HS2ST1: variants seen among roughly 807,000 people sequenced by gnomAD.
The protein encoded by HS2ST1 is heparan sulfate 2-O-sulfotransferase 1, also known as 2-O-sulfotransferase.
A neutral mutation model predicts 42.9 loss-of-function variants in HS2ST1; 18 were observed. The ratio of observed to expected loss-of-function variants is 0.42; its 90% confidence interval spans 0.29 to 0.62. HS2ST1 has a LOEUF of 0.62. HS2ST1 is among the 20% of genes least tolerant of loss of function. HS2ST1 has a pLI of 0.21. For synonymous variants in HS2ST1, 146 were observed against 152.9 expected, an observed-to-expected ratio of 0.95 and a Z score of 0.33; for missense variants, 334 against 433.8, an observed-to-expected ratio of 0.77 and a Z score of 2.04.
chr1:87,088,214 C>G (rs1476804109), intron 3 of HS2ST1, among the ~76,000 whole-genome samples: 1 of 152,012 alleles, frequency 6.6e-6, no homozygotes, highest in East Asian at 1.9e-4. Context: ...CTCTTAGCCT[C>G]CATTATTCTC....
intron 1 of HS2ST1, among the ~76,000 whole-genome samples, chr1:87,022,310 G>A (rs1649972656): frequency 6.6e-6 from 1 of 152,154 alleles, no homozygotes; most frequent in Admixed American, 6.5e-5. Context: ...CATTTTCACA[G>A]TTATGGGAAA....
At chr1:87,104,159 AGTCTC>A (rs1652278335) in intron 6 of HS2ST1, among the ~76,000 whole-genome samples, 1 of 152,182 alleles carries the variant, frequency 6.6e-6, no homozygotes, top group Non-Finnish European at 1.5e-5. Flanking sequence ...AAAATAAACT[AGTCTC>A]AGAGCACCAA....
At chr1:87,018,889 A>T (rs536904851) in intron 1 of HS2ST1, among the ~76,000 whole-genome samples, 3 of 151,508 alleles carry the variant, frequency 2.0e-5, no homozygotes, top group Non-Finnish European at 2.9e-5. Context: ...CCCTGTTCAA[A>T]CTCCTGTGTG....
chr1:87,107,563 G>A lies in HS2ST1; in HGVS notation c.*2867G>A, dbSNP rs1652354637. 6.6e-6 allele frequency: 1 copy of A among 151,558 alleles called. No individual in the cohort carries two copies. Among genetic ancestry groups the A allele is most frequent in the Non-Finnish European group, 1.5e-5 (1 of 67,810 alleles). 9.4% of individuals were successfully genotyped at this position (151,558 alleles called of 1,614,324 possible). Reference sequence around the variant, plus strand: ...GCTTTTTCAGTATTTTGACCATAGGGAGATAATTTTTTTATAATACAAAAG... The same window carrying A: ...GCTTTTTCAGTATTTTGACCATAGGAAGATAATTTTTTTATAATACAAAAG... On this transcript the variant is annotated 3_prime_UTR_variant, in exon 7 of 7. Transcript: ENST00000370550.
At chr1:87,076,636 G>A (rs2764427) in intron 2 of HS2ST1, among the ~76,000 whole-genome samples, 105,909 of 152,006 alleles carry the variant, frequency 0.7, 39,165 homozygotes, top group East Asian at 0.97. Flanking sequence ...ACATTTTTGC[G>A]ATGGGCTTTA....
intron 1 of HS2ST1, among the ~76,000 whole-genome samples, chr1:87,008,770 A>T (rs981826569): frequency 1.1e-4 from 17 of 152,230 alleles, no homozygotes; most frequent in Admixed American, 1.0e-3. Context: ...CAGTATTTTA[A>T]AATATTAAAA....
At chr1:86,977,211 T>C (rs1011490148) in intron 1 of HS2ST1, among the ~76,000 whole-genome samples, 6 of 152,278 alleles carry the variant, frequency 3.9e-5, no homozygotes, top group South Asian at 2.1e-4. Flanking sequence ...TGATGGATAT[T>C]AACTCCATAC....
chr1:86,997,856 A>G (rs1649152792), intron 1 of HS2ST1, among the ~76,000 whole-genome samples: 1 of 152,216 alleles, frequency 6.6e-6, no homozygotes, highest in Non-Finnish European at 1.5e-5. Flanking sequence ...CACTACTCAA[A>G]ATAGTGTGCA....
chr1:87,012,170 C>T (rs1370704542), intron 1 of HS2ST1, among the ~76,000 whole-genome samples: 7 of 152,004 alleles, frequency 4.6e-5, no homozygotes, highest in Non-Finnish European at 1.0e-4. Context: ...TTTTCTAGCA[C>T]TTTTATCCAA....
intron 1 of HS2ST1, among the ~76,000 whole-genome samples, chr1:87,005,444 GA>G (rs1183026637): frequency 1.3e-5 from 2 of 152,030 alleles, no homozygotes; most frequent in Non-Finnish European, 2.9e-5. Context: ...TATAGCCAGT[GA>G]AAAAATTAAC....
intron 1 of HS2ST1, among the ~76,000 whole-genome samples, chr1:87,029,101 C>A (rs1650164650): frequency 6.6e-6 from 1 of 152,008 alleles, no homozygotes; most frequent in Admixed American, 6.5e-5. Context: ...AATAATAAAT[C>A]TGGACCAAGT....
intron 1 of HS2ST1, among the ~76,000 whole-genome samples, chr1:86,929,747 A>G (rs1185931322): frequency 6.6e-6 from 1 of 151,836 alleles, no homozygotes. Flanking sequence ...CTATTTCTCC[A>G]TTTTAGAAAA....
chr1:87,076,819 A>G (rs1372841657), intron 2 of HS2ST1, among the ~76,000 whole-genome samples: 1 of 152,224 alleles, frequency 6.6e-6, no homozygotes, highest in East Asian at 1.9e-4. Flanking sequence ...GTTTAGGTCT[A>G]TGATTATATA....
Position 86,914,921 on chromosome 1 carries a change from G to A in HS2ST1, c.-116G>A. 2 of 1,326,246 alleles carry A rather than the reference G, an allele frequency of 1.5e-6. No individual in the cohort carries two copies. Among genetic ancestry groups the A allele is most frequent in the Non-Finnish European group, 2.1e-6 (2 of 951,024 alleles). 82.2% of individuals were successfully genotyped at this position (1,326,246 alleles called of 1,614,324 possible). On this transcript the variant is annotated 5_prime_UTR_variant, in exon 1 of 7. Transcript: ENST00000370550. ...GGGTCGCTGCGGTGGTTCTCTCGCT[G>A]TCGCTCTCTCTTTGCCTCGCTCCCG... is the stretch of plus-strand genomic sequence containing the variant.
At chr1:87,103,344 A>G (rs564021274) in intron 5 of HS2ST1, 88 bp from the exon 6 acceptor site, 3 of 1,217,014 alleles carry the variant, frequency 2.5e-6, no homozygotes, top group East Asian at 2.5e-5. Flanking sequence ...GTGTTTATCT[A>G]TTTTCTCTGT....
intron 1 of HS2ST1, among the ~76,000 whole-genome samples, chr1:87,033,237 T>C (rs1180276507): frequency 6.6e-6 from 1 of 152,200 alleles, no homozygotes; most frequent in East Asian, 1.9e-4. Flanking sequence ...CTTTCCCCAC[T>C]GCAGTATATT....
At chr1:86,918,169 G>A (rs1375733441) in intron 1 of HS2ST1, among the ~76,000 whole-genome samples, 1 of 151,838 alleles carries the variant, frequency 6.6e-6, no homozygotes, top group Non-Finnish European at 1.5e-5. Flanking sequence ...CAAAACTGAG[G>A]TGTACTCATT....
chr1:87,054,146 T>C (rs927750184), intron 1 of HS2ST1, among the ~76,000 whole-genome samples: 1 of 152,154 alleles, frequency 6.6e-6, no homozygotes, highest in African/African-American at 2.4e-5. Flanking sequence ...TAAATACATA[T>C]GGAATCAGAG....
In HS2ST1 at chr1:87,104,526, A is replaced by G. The variant is rs139920484; in HGVS notation, c.901A>G (p.Ile301Val). The change falls in exon 7 of 7, where the codon ATT (isoleucine) becomes GTT (valine). Residue 301 changes from isoleucine (I) to valine (V), a missense_variant. Physicochemically the swap from Ile to Val is conservative, Grantham distance 29. Coordinates refer to ENST00000370550, the MANE Select transcript of HS2ST1 (RefSeq NM_012262.4). ...GAAGAAACTCCCCACTAAACAAACCATTGCAAAACTACAGCAATCTGATAT... is the reference window on the plus strand; with the variant it reads ...GAAGAAACTCCCCACTAAACAAACCGTTGCAAAACTACAGCAATCTGATAT... ...TEKKLPTKQT[I>V]AKLQQSDIWK... The G allele has an allele frequency of 2.4e-4, 387 of 1,613,570 alleles. No individual in the cohort carries two copies. The highest frequency in any genetic ancestry group is 3.1e-4 in the Non-Finnish European group (363 of 1,179,566).
Sources: allele counts gnomAD v4.1 joint callset (sites outside exome capture counted in the v4.1 genomes callset), GRCh38; gene constraint gnomAD v4.1.1; transcripts MANE v1.5; gene names NCBI Gene and HGNC (gene_info 2026-07-23, HGNC 2026-07-21).